The following TIAL1 variants were observed in gnomAD, a reference collection of about 807,000 sequenced individuals.
TIAL1 encodes the protein nucleolysin TIAR.
In TIAL1, 7 loss-of-function variants were observed where a neutral mutation model predicts 59.7. The observed-to-expected ratio is 0.12, with a 90% CI of 0.07 to 0.22. The LOEUF is 0.22. Ranked by LOEUF, TIAL1 falls within the 10% of genes least tolerant of loss-of-function variation. The pLI is 1.00. For missense variants in TIAL1, 225 were observed against 462.5 expected, an observed-to-expected ratio of 0.49 and a Z score of 4.71; for synonymous variants, 149 against 146.3, an observed-to-expected ratio of 1.02 and a Z score of -0.13.
intron 7 of TIAL1, among the ~76,000 whole-genome samples, chr10:119,578,425 ATAC>A (rs1325027859): frequency 6.6e-6 from 1 of 152,092 alleles, no homozygotes; most frequent in Non-Finnish European, 1.5e-5. Context: ...CACTAATTAA[ATAC>A]TACGTCAGCC....
chr10:119,590,527 T>G (rs962854088), intron 1 of TIAL1, among the ~76,000 whole-genome samples: 1 of 151,896 alleles, frequency 6.6e-6, no homozygotes, highest in Non-Finnish European at 1.5e-5. Flanking sequence ...CTGACCAACA[T>G]GGTGAAACCC....
chr10:119,577,551 T>G lies in TIAL1; in HGVS notation c.653-16A>C. On this transcript the variant is annotated splice_polypyrimidine_tract_variant and intron_variant, in intron 8 of 11. Coordinates refer to ENST00000436547, the MANE Select transcript of TIAL1 (RefSeq NM_003252.4). ...ATAAGCTGATCTATAAAACAAAACA[T>G]ACAAATAAAACATGGCTGATGTGTA... 6.2e-7 allele frequency: 1 copy of G among 1,611,762 alleles called. No homozygotes were observed. Among genetic ancestry groups the G allele is most frequent in the South Asian group, 1.1e-5 (1 of 90,984 alleles).
intron 2 of TIAL1, among the ~76,000 whole-genome samples, chr10:119,584,808 A>T (rs951611909): frequency 1.3e-5 from 2 of 151,818 alleles, no homozygotes; most frequent in African/African-American, 4.8e-5. Flanking sequence ...CAGCCCGGGC[A>T]ACAGAGCCAG....
Position 119,596,507 on chromosome 10 carries a change from G to A in TIAL1, c.-42C>T, listed in dbSNP as rs966402451. The A allele has an allele frequency of 7.4e-6, 7 of 951,786 alleles. No individual in the cohort carries two copies. In the African/African-American group the frequency reaches 9.8e-5, roughly 13 times the overall value. The allele number at this position is 951,786 out of a possible 1,614,324, so 59.0% of individuals were successfully genotyped here. On this transcript the variant is annotated 5_prime_UTR_variant, in exon 1 of 12. Coordinates refer to ENST00000436547, the MANE Select transcript of TIAL1 (RefSeq NM_003252.4). Reference sequence around the variant, plus strand: ...CGATCCCGGGACAAGGGGGAGGGCAGGGTTGGGGAGGGGAGGGGGTGGGGA... The same window carrying A: ...CGATCCCGGGACAAGGGGGAGGGCAAGGTTGGGGAGGGGAGGGGGTGGGGA...
In TIAL1 at chr10:119,596,583, CG is replaced by C. The variant is rs1164949053; in HGVS notation, c.-119del. 1.2e-6 allele frequency: 1 copy of C among 802,788 alleles called. No individual in the cohort carries two copies. Among genetic ancestry groups the C allele is most frequent in the African/African-American group, 1.7e-5 (1 of 58,146 alleles). The allele number at this position is 802,788 out of a possible 1,614,324, so 49.7% of individuals were successfully genotyped here. On this transcript the variant is annotated 5_prime_UTR_variant, in exon 1 of 12. Coordinates refer to ENST00000436547, the MANE Select transcript of TIAL1 (RefSeq NM_003252.4). ...CGGCTGGGGACAGAGGAAAAGGCAC[CG>C]AACCCTGCTCTCGGGCTCTCTCCCC...
chr10:119,586,484 CCTT>C (rs1358120822), intron 2 of TIAL1, among the ~76,000 whole-genome samples: 1 of 152,204 alleles, frequency 6.6e-6, no homozygotes, highest in Non-Finnish European at 1.5e-5. Flanking sequence ...TGGTTTTTCT[CCTT>C]CTGCTCTTGC....
chr10:119,591,839 A>AT (rs1330236370), intron 1 of TIAL1: 1 of 152,236 alleles, frequency 6.6e-6, no homozygotes, highest in East Asian at 1.9e-4. Flanking sequence ...TTCGTGCATC[A>AT]TAACACTTGA....
At chr10:119,594,104 G>C (rs1846028997) in intron 1 of TIAL1, among the ~76,000 whole-genome samples, 1 of 149,890 alleles carries the variant, frequency 6.7e-6, no homozygotes, top group Non-Finnish European at 1.5e-5. Flanking sequence ...AAAAGGGTGG[G>C]AGAAGGAAAA....
At chr10:119,580,184 A>G in intron 5 of TIAL1, 174 bp from the exon 6 acceptor site, 1 of 516,842 alleles carries the variant, frequency 1.9e-6, no homozygotes, top group Non-Finnish European at 3.3e-6. Flanking sequence ...GTTAGAAAAA[A>G]GCAGTAGGAC....
chr10:119,586,518 TA>T (rs1182420506), intron 2 of TIAL1, among the ~76,000 whole-genome samples: 1 of 152,186 alleles, frequency 6.6e-6, no homozygotes, highest in African/African-American at 2.4e-5. Flanking sequence ...CTATTCTCCA[TA>T]AAACAGTCAT....
In TIAL1 at chr10:119,596,421, C is replaced by G. The variant is rs762762241; in HGVS notation, c.32+13G>C. On this transcript the variant is annotated intron_variant, in intron 1 of 11. Transcript: ENST00000436547. ...CCTCTTGGCGCCTGGCACCCCTCGT[C>G]TCGGGTACTCACAGAGTCCGGGGCT... The G allele has an allele frequency of 1.2e-6, 2 of 1,608,580 alleles. No homozygotes were observed. Among genetic ancestry groups the G allele is most frequent in the Admixed American group, 1.7e-5 (1 of 59,802 alleles).
At position 119,577,746 on chromosome 10, in the gene TIAL1, G is replaced by C. The variant is rs376027383; in HGVS notation, c.557-10C>G. On this transcript the variant is annotated splice_polypyrimidine_tract_variant and intron_variant, in intron 7 of 11. Transcript: ENST00000436547. ...AACTGCTTAGTGTTGTCTGTATGCAGAAACAAAACAAAAACGTTGACTGTT... is the reference window on the plus strand; with the variant it reads ...AACTGCTTAGTGTTGTCTGTATGCACAAACAAAACAAAAACGTTGACTGTT... 59 of 1,601,246 alleles carry C rather than the reference G, an allele frequency of 3.7e-5. No homozygotes were observed. In the African/African-American group the frequency reaches 6.7e-4, roughly 18 times the overall value.
At chr10:119,576,460 A>G (rs1564731864) in intron 11 of TIAL1, 151 bp downstream of exon 11, 6 of 1,094,562 alleles carry the variant, frequency 5.5e-6, no homozygotes, top group Non-Finnish European at 7.7e-6. Context: ...TAGCCTCATA[A>G]ATCATATTTT....
intron 2 of TIAL1, among the ~76,000 whole-genome samples, chr10:119,583,502 G>A (rs1197263788): frequency 6.6e-6 from 1 of 152,122 alleles, no homozygotes; most frequent in Non-Finnish European, 1.5e-5. Context: ...CTGAATAGCT[G>A]CACAACTGTA....
intron 2 of TIAL1, among the ~76,000 whole-genome samples, chr10:119,587,439 G>C (rs1413155392): frequency 6.6e-6 from 1 of 152,166 alleles, no homozygotes; most frequent in African/African-American, 2.4e-5. Flanking sequence ...AGGCTGCACT[G>C]GATACACATT....
intron 10 of TIAL1, 21 bp downstream of exon 10, chr10:119,577,059 T>TGCTATGAAAAATCGA: frequency 6.2e-7 from 1 of 1,611,898 alleles, no homozygotes; most frequent in Non-Finnish European, 8.5e-7. Context: ...CCTTAAAGAA[T>TGCTATGAAAAATCGA]GCTATGAAAA....
chr10:119,589,238 C>T (rs1235671445), intron 1 of TIAL1, among the ~76,000 whole-genome samples: 1 of 152,188 alleles, frequency 6.6e-6, no homozygotes, highest in East Asian at 1.9e-4. Flanking sequence ...TGGAGTCTCA[C>T]TCTGTCACCC....
intron 1 of TIAL1, among the ~76,000 whole-genome samples, 199 bp downstream of exon 1, chr10:119,596,235 A>C (rs1445197282): frequency 1.3e-5 from 2 of 152,154 alleles, no homozygotes; most frequent in Non-Finnish European, 2.9e-5. Flanking sequence ...AGACCCCAGG[A>C]AGTGACTGTT....
In TIAL1 at chr10:119,577,544, CA is replaced by C. The variant is rs752525381; in HGVS notation, c.653-10del. On this transcript the variant is annotated splice_polypyrimidine_tract_variant and intron_variant, in intron 8 of 11. Coordinates refer to ENST00000436547, the MANE Select transcript of TIAL1 (RefSeq NM_003252.4). ...CTGTCTCATAAGCTGATCTATAAAA[CA>C]AAACATACAAATAAAACATGGCTGA... 9 of 1,612,176 alleles carry C rather than the reference CA, an allele frequency of 5.6e-6. No individual in the cohort carries two copies. Among genetic ancestry groups the C allele is most frequent in the Non-Finnish European group, 7.6e-6 (9 of 1,178,544 alleles).
Sources: allele counts gnomAD v4.1 joint callset (sites outside exome capture counted in the v4.1 genomes callset), GRCh38; gene constraint gnomAD v4.1.1; transcripts MANE v1.5; gene names NCBI Gene and HGNC (gene_info 2026-07-23, HGNC 2026-07-21).